Variants in MGST1 observed in about 807,000 individuals in gnomAD.
MGST1 encodes microsomal glutathione S-transferase 1.
MGST1 carries 5 observed loss-of-function variants against 8.9 expected under a neutral mutation model. That is an observed-to-expected ratio of 0.56 (90% CI 0.29 to 1.19). The LOEUF (loss-of-function observed/expected upper bound fraction) is 1.19. MGST1 is among the 50% of genes most tolerant of loss of function. The probability of loss-of-function intolerance (pLI) is 0.08; values close to 1 mark genes in which losing one functional copy is unlikely to be tolerated. For synonymous variants in MGST1, 54 were observed against 67.8 expected, an observed-to-expected ratio of 0.80 and a Z score of 1.00; for missense variants, 182 against 187.4, an observed-to-expected ratio of 0.97 and a Z score of 0.17.
At chr12:16,354,510 C>CA in intron 2 of MGST1, 132 bp downstream of exon 2, 1 of 801,240 alleles carries the variant, frequency 1.2e-6, no homozygotes, top group Non-Finnish European at 1.9e-6. Context: ...TGAAGTATGC[C>CA]ATCGTTTGGC....
At chr12:16,441,462 A>G (rs2137103481), downstream of MGST1, among the ~76,000 whole-genome samples, 1 of 151,966 alleles carries the variant, frequency 6.6e-6, no homozygotes, top group African/African-American at 2.4e-5. Context: ...TAGTTTTGCC[A>G]TTTAAAAAAT....
Position 16,363,885 on chromosome 12 carries a change from C to G in MGST1, c.312C>G (p.Ile104Met). ...SLSGPDPSTAILHFRLFVGAR... is the reference protein window; with the variant it reads ...SLSGPDPSTAMLHFRLFVGAR... ...GTGGTCCCGACCCCTCTACAGCCAT[C>G]CTGCACTTCAGACTATTTGTCGGAG... Residue 104 changes from isoleucine (I) to methionine (M), a missense_variant, in exon 4 of 4, where the codon ATC (isoleucine) becomes ATG (methionine). Transcript: ENST00000396210. This position sits in a 1 kb window ranked among gnomAD's most constrained non-coding sequence, Gnocchi z 4.6. 1 of 1,613,950 alleles carries G rather than the reference C, an allele frequency of 6.2e-7. No homozygotes were observed. The highest frequency in any genetic ancestry group is 8.5e-7 in the Non-Finnish European group (1 of 1,179,886).
intron 1 of MGST1, among the ~76,000 whole-genome samples, chr12:16,420,916 C>A (rs80320929): frequency 6.6e-5 from 10 of 152,030 alleles, no homozygotes; most frequent in Admixed American, 1.3e-4. Context: ...CTCCGGCATT[C>A]GGATTGATCT....
rs1565447320 is a variant in MGST1, at chr12:16,399,679, C to T, written n.778+16075C>T. 15 of 1,460,192 alleles carry T rather than the reference C, an allele frequency of 1.0e-5. No individual in the cohort carries two copies. The East Asian group carries it at 1.6e-4, about 15-fold the overall frequency. 90.5% of individuals were successfully genotyped at this position (1,460,192 alleles called of 1,614,324 possible). On this transcript the variant is annotated intron_variant and non_coding_transcript_variant, in intron 1 of 1. Coordinates refer to the MGST1 transcript ENST00000359720. ...TCCAGAAAAGACCAGACACCTTGTT[C>T]GAAAAAGCCCTCAGGGTCATCAACA... is the stretch of plus-strand genomic sequence containing the variant.
At chr12:16,397,778 C>T (rs201510831) in intron 1 of MGST1, among the ~76,000 whole-genome samples, 4 of 143,274 alleles carry the variant, frequency 2.8e-5, no homozygotes, top group East Asian at 2.0e-4. Context: ...TCAATAGTAT[C>T]TTTTTTTTTT....
chr12:16,400,412 G>A (rs1364148298), intron 1 of MGST1: 2 of 816,930 alleles, frequency 2.4e-6, no homozygotes, highest in Admixed American at 3.4e-5. Flanking sequence ...AGCCTCTTTT[G>A]GGCAATATTT....
intron 1 of MGST1, among the ~76,000 whole-genome samples, chr12:16,403,012 C>T (rs1413629408): frequency 6.6e-6 from 1 of 150,818 alleles, no homozygotes; most frequent in Non-Finnish European, 1.5e-5. Context: ...TCATTTTTAT[C>T]CTTTCAACTT....
At position 16,360,309 on chromosome 12, in the gene MGST1, A is replaced by G. The variant is rs564528263; in HGVS notation, c.221+2610A>G. On this transcript the variant is annotated intron_variant, in intron 3 of 3. Coordinates refer to ENST00000396210, the MANE Select transcript of MGST1 (RefSeq NM_020300.5). ...TCTCTCGTTACTTCAGTCATTGTAAAGCTGTTACGATTAGCATATTTGAAC... is the reference window on the plus strand; with the variant it reads ...TCTCTCGTTACTTCAGTCATTGTAAGGCTGTTACGATTAGCATATTTGAAC... The G allele has an allele frequency of 1.0e-4, 99 of 983,948 alleles. No individual in the cohort carries two copies. In the African/African-American group the frequency reaches 1.7e-3, roughly 17 times the overall value. 61.0% of individuals were successfully genotyped at this position (983,948 alleles called of 1,614,324 possible).
At chr12:16,381,264 G>T (rs1347812036), downstream of MGST1, among the ~76,000 whole-genome samples, 1 of 152,160 alleles carries the variant, frequency 6.6e-6, no homozygotes, top group Non-Finnish European at 1.5e-5. Context: ...GCATGTTTTT[G>T]CAGTGGCTGG....
chr12:16,477,577 C>G (rs1278565721), intron 4 of MGST1, among the ~76,000 whole-genome samples: 2 of 152,138 alleles, frequency 1.3e-5, no homozygotes, highest in Non-Finnish European at 2.9e-5. Flanking sequence ...TACTTGTATA[C>G]TACTCAACTG....
intron 4 of MGST1, among the ~76,000 whole-genome samples, chr12:16,473,504 C>T (rs1411133430): frequency 6.6e-6 from 1 of 152,220 alleles, no homozygotes. Flanking sequence ...ATACAACTGT[C>T]AAAGAAATAC....
At chr12:16,395,788 T>C (rs1236464009) in intron 1 of MGST1, among the ~76,000 whole-genome samples, 11 of 121,612 alleles carry the variant, frequency 9.0e-5, no homozygotes, top group East Asian at 5.9e-4. Context: ...ATCATATATA[T>C]ATATATATAT....
chr12:16,406,665 G>A (rs1049101115), intron 1 of MGST1, among the ~76,000 whole-genome samples: 5 of 152,092 alleles, frequency 3.3e-5, no homozygotes, highest in African/African-American at 9.7e-5. Flanking sequence ...CTATACTACA[G>A]GGCTACAGAA....
rs965777440 is a variant in MGST1, at chr12:16,537,340, C to A, written n.483-52188C>A. 6.6e-6 allele frequency among the ~76,000 whole-genome samples: 1 copy of A among 152,210 alleles called. No individual in the cohort carries two copies. ...TATGGCTTTGCAGGGTACAGCCCCT[C>A]TCCTGGCTGCTTTCATGGGCTGGTT... On this transcript the variant is annotated intron_variant and non_coding_transcript_variant, in intron 4 of 4. Coordinates refer to the MGST1 transcript ENST00000538857. This position sits in a 1 kb window ranked among gnomAD's most constrained non-coding sequence, Gnocchi z 4.6.
intron 1 of MGST1, among the ~76,000 whole-genome samples, chr12:16,404,383 A>T (rs1490610912): frequency 5.3e-5 from 8 of 152,122 alleles, no homozygotes; most frequent in Non-Finnish European, 8.8e-5. Context: ...TTAAAAATTC[A>T]ATATGGCAAT....
At chr12:16,419,420 CCTT>C (rs1489681858) in intron 1 of MGST1, among the ~76,000 whole-genome samples, 1 of 152,000 alleles carries the variant, frequency 6.6e-6, no homozygotes, top group African/African-American at 2.4e-5. Flanking sequence ...CGTGGTCTGT[CCTT>C]CTTGGGGGAA....
At chr12:16,407,149 T>C (rs1591719280) in intron 1 of MGST1, among the ~76,000 whole-genome samples, 2 of 152,208 alleles carry the variant, frequency 1.3e-5, no homozygotes, top group South Asian at 2.1e-4. Flanking sequence ...TAGGAGAAAA[T>C]ATTTGCAAAC....
intron 1 of MGST1, chr12:16,400,226 G>T: frequency 1.1e-6 from 1 of 873,662 alleles, no homozygotes; most frequent in Non-Finnish European, 2.0e-6. Context: ...ACATCCATGT[G>T]CCACTTCTTC....
chr12:16,454,871 CCAAAAAAAAAAAAAAAA>C (rs1209524723), intron 4 of MGST1, among the ~76,000 whole-genome samples: 2 of 100,548 alleles, frequency 2.0e-5, no homozygotes, highest in Non-Finnish European at 3.8e-5. Context: ...TTTAAGTAGA[CCAAAAAAAAAAAAAAAA>C]AAAAAAAAAA....
Sources: allele counts gnomAD v4.1 joint callset (sites outside exome capture counted in the v4.1 genomes callset), GRCh38; gene constraint gnomAD v4.1.1; non-coding constraint Gnocchi (gnomAD v3.1); transcripts MANE v1.5; gene names NCBI Gene and HGNC (gene_info 2026-07-23, HGNC 2026-07-21).